PCDH15: variants seen among roughly 807,000 people sequenced by gnomAD.
The protein encoded by PCDH15 is protocadherin related 15, also known as protocadherin-15.
In PCDH15, 129 loss-of-function variants were observed where a neutral mutation model predicts 178.5. The ratio of observed to expected loss-of-function variants is 0.72; its 90% CI spans 0.63 to 0.84. The LOEUF is 0.84. Ranked by LOEUF, PCDH15 falls within the 40% of genes least tolerant of loss-of-function variation. The pLI is 0.00. For missense variants in PCDH15, 2,230 were observed against 2,099.9 expected (o/e 1.06, Z -1.21); for synonymous variants, 800 against 732.0 (o/e 1.09, Z -1.50).
chr10:54,625,521 C>T (rs1456665653), intron 2 of PCDH15, among the ~76,000 whole-genome samples: 1 of 152,036 alleles, frequency 6.6e-6, no homozygotes, highest in Admixed American at 6.6e-5. Context: ...GAATGGGTCT[C>T]CTGAGATCTG....
chr10:54,727,264 G>A (rs781597632), intron 1 of PCDH15, among the ~76,000 whole-genome samples: 1 of 151,030 alleles, frequency 6.6e-6, no homozygotes, highest in Non-Finnish European at 1.5e-5. Context: ...TGAGACCACA[G>A]CACAATAAAA....
intron 1 of PCDH15, among the ~76,000 whole-genome samples, chr10:54,758,286 A>G (rs911268245): frequency 1.3e-5 from 2 of 152,156 alleles, no homozygotes; most frequent in South Asian, 4.1e-4. Context: ...CAAATTTTGA[A>G]TTGTGATATT....
chr10:55,342,278 T>C (rs1030190846), intron 2 of PCDH15, among the ~76,000 whole-genome samples: 3 of 151,884 alleles, frequency 2.0e-5, no homozygotes, highest in African/African-American at 7.2e-5. Flanking sequence ...TATTTGAATC[T>C]TATGATTAAA....
intron 2 of PCDH15, among the ~76,000 whole-genome samples, chr10:55,427,871 T>A (rs1353165497): frequency 2.6e-5 from 4 of 152,142 alleles, no homozygotes; most frequent in Admixed American, 2.6e-4. Flanking sequence ...TCTTCTAGTA[T>A]CTCCAAATAG....
chr10:54,232,911 T>C (rs2054218261), intron 9 of PCDH15, among the ~76,000 whole-genome samples: 1 of 150,486 alleles, frequency 6.6e-6, no homozygotes, highest in African/African-American at 2.5e-5. Flanking sequence ...TATTGTGTTG[T>C]TTAGCTTTCT....
intron 2 of PCDH15, among the ~76,000 whole-genome samples, chr10:55,330,836 T>TTGTGTGTGTGTG (rs1321610555): frequency 1.2e-5 from 1 of 83,032 alleles, no homozygotes; most frequent in African/African-American, 4.9e-5. Context: ...ATAGATTTAT[T>TTGTGTGTGTGTG]TATGTGTGTG....
intron 15 of PCDH15, among the ~76,000 whole-genome samples, chr10:54,106,759 C>T (rs2094925217): frequency 6.6e-6 from 1 of 152,132 alleles, no homozygotes. Context: ...AAGCAAAGTC[C>T]TTCATATATG....
At chr10:53,885,145 G>C (rs763705941) in intron 26 of PCDH15, among the ~76,000 whole-genome samples, 4 of 152,134 alleles carry the variant, frequency 2.6e-5, no homozygotes, top group Non-Finnish European at 4.4e-5. Flanking sequence ...GGTACTTATG[G>C]TCTCTCTATA....
At chr10:54,858,276 G>A (rs1474688143) in intron 3 of PCDH15, among the ~76,000 whole-genome samples, 2 of 152,084 alleles carry the variant, frequency 1.3e-5, no homozygotes, top group East Asian at 1.9e-4. Context: ...ATTCCGTTGT[G>A]TATACATACT....
At chr10:55,111,159 G>C (rs1040517786) in intron 2 of PCDH15, among the ~76,000 whole-genome samples, 2 of 152,094 alleles carry the variant, frequency 1.3e-5, no homozygotes, top group African/African-American at 2.4e-5. Context: ...AGCTCTGTAG[G>C]TTGGTAATAT....
At chr10:54,917,966 G>C (rs1022182753) in intron 2 of PCDH15, among the ~76,000 whole-genome samples, 1 of 150,044 alleles carries the variant, frequency 6.7e-6, no homozygotes, top group African/African-American at 2.4e-5. Flanking sequence ...TTTGTAAACT[G>C]ATATTTAAAA....
Position 53,862,605 on chromosome 10 carries a change from G to A in PCDH15, c.3717+4037C>T, listed in dbSNP as rs578217091. On this transcript the variant is annotated intron_variant, in intron 27 of 37. Transcript: ENST00000644397. ...TTCTAATTTGTGCTTCAAAGCTTCAGTATTATCATTAGTTGGTTGTTTTCA... is the reference window on the plus strand; with the variant it reads ...TTCTAATTTGTGCTTCAAAGCTTCAATATTATCATTAGTTGGTTGTTTTCA... Among the ~76,000 whole-genome samples, 9 of 152,250 alleles carry A rather than the reference G, an allele frequency of 5.9e-5. No homozygotes were observed. In the South Asian group the frequency reaches 1.9e-3, roughly 32 times the overall value.
chr10:55,398,312 T>C (rs917584624), intron 2 of PCDH15, among the ~76,000 whole-genome samples: 15 of 152,266 alleles, frequency 9.9e-5, no homozygotes, highest in Non-Finnish European at 1.2e-4. Context: ...AGACTTAAAG[T>C]ATTCAATTTC....
intron 25 of PCDH15, among the ~76,000 whole-genome samples, chr10:53,903,592 C>A (rs1482194401): frequency 2.0e-5 from 3 of 152,032 alleles, no homozygotes; most frequent in Non-Finnish European, 4.4e-5. Flanking sequence ...TTACAATGTC[C>A]TGGTAGTTCA....
At chr10:53,987,333 A>G (rs2091176298) in intron 21 of PCDH15, among the ~76,000 whole-genome samples, 2 of 152,152 alleles carry the variant, frequency 1.3e-5, no homozygotes, top group South Asian at 4.1e-4. Flanking sequence ...AGTGTCATAT[A>G]AGAACTTACA....
At chr10:54,460,276 A>C (rs983742095) in intron 3 of PCDH15, among the ~76,000 whole-genome samples, 27 of 152,138 alleles carry the variant, frequency 1.8e-4, no homozygotes, top group African/African-American at 6.3e-4. Flanking sequence ...TTGATTAGCA[A>C]GATTAACATG....
intron 3 of PCDH15, among the ~76,000 whole-genome samples, chr10:54,383,525 G>T (rs1342418556): frequency 6.6e-6 from 1 of 151,816 alleles, no homozygotes; most frequent in Non-Finnish European, 1.5e-5. Context: ...AAATGGGAAA[G>T]GTTTATACCC....
At chr10:55,611,152 A>G (rs1358419466) in intron 2 of PCDH15, among the ~76,000 whole-genome samples, 1 of 152,040 alleles carries the variant, frequency 6.6e-6, no homozygotes, top group Non-Finnish European at 1.5e-5. Context: ...AAATGCACAT[A>G]CAACAAATGA....
chr10:54,794,006 T>C (rs1484596239), intron 1 of PCDH15, among the ~76,000 whole-genome samples: 1 of 148,812 alleles, frequency 6.7e-6, no homozygotes, highest in Non-Finnish European at 1.5e-5. Flanking sequence ...AATGTTCTTT[T>C]TTGAAAACAA....
Sources: gnomAD v4.1 joint callset for allele counts (sites outside exome capture counted in the v4.1 genomes callset) on GRCh38, gnomAD v4.1.1 for gene constraint, MANE v1.5 for transcripts, NCBI Gene and HGNC (gene_info 2026-07-23, HGNC 2026-07-21) for gene names.